FNDC1: variants seen among roughly 807,000 people sequenced by gnomAD.
FNDC1 encodes fibronectin type III domain containing 1, also known as fibronectin type III domain-containing protein 1.
A neutral mutation model predicts 168.0 loss-of-function variants in FNDC1; 96 were observed. That is an observed-to-expected ratio of 0.57 (90% CI 0.48 to 0.68). The LOEUF is 0.68. Among genes scored for constraint, FNDC1 ranks in the 30% least tolerant of loss-of-function variants. The pLI is 0.00. For missense variants in FNDC1, 2,587 were observed against 2,482.1 expected (o/e 1.04, Z -0.90); for synonymous variants, 1,099 against 1,025.9 (o/e 1.07, Z -1.36).
intron 1 of FNDC1, among the ~76,000 whole-genome samples, chr6:159,171,134 C>T (rs113191281): frequency 5.1e-4 from 77 of 152,212 alleles, no homozygotes; most frequent in African/African-American, 1.8e-3. Flanking sequence ...TGGAATCCCA[C>T]CGCGATCTGC....
chr6:159,176,804 G>A (rs1781769779), intron 1 of FNDC1, among the ~76,000 whole-genome samples: 1 of 152,206 alleles, frequency 6.6e-6, no homozygotes, highest in Non-Finnish European at 1.5e-5. Flanking sequence ...GCTCTGGCCA[G>A]AAAGGGCCAT....
chr6:159,234,506 C>G, intron 11 of FNDC1, 27 bp downstream of exon 11: 1 of 1,608,312 alleles, frequency 6.2e-7, no homozygotes, highest in Non-Finnish European at 8.5e-7. Flanking sequence ...AACAGTCTTT[C>G]TTTAAGGTGT....
chr6:159,247,043 T>C (rs1177772927), intron 15 of FNDC1, 74 bp downstream of exon 15: 1 of 1,123,938 alleles, frequency 8.9e-7, no homozygotes, highest in Admixed American at 1.7e-5. Context: ...AACTATTGAG[T>C]GGATGATCTT....
In FNDC1 at chr6:159,246,300, G is replaced by A. The variant is rs1777121526; in HGVS notation, c.4622-601G>A. The stretch of plus-strand genomic sequence containing the variant: ...AGTGGGTGGGAACTCAGTAGGAAGT[G>A]GAGAAGCACAAGGAACTCTCATTGG... On this transcript the variant is annotated intron_variant, in intron 14 of 22. Coordinates refer to ENST00000297267, the MANE Select transcript of FNDC1 (RefSeq NM_032532.3). 2.0e-5 allele frequency among the ~76,000 whole-genome samples: 3 copies of A among 152,196 alleles called. No individual in the cohort carries two copies. In the South Asian group the frequency reaches 6.2e-4, roughly 32 times the overall value.
chr6:159,187,944 C>G (rs1351895276), intron 1 of FNDC1, among the ~76,000 whole-genome samples: 1 of 152,166 alleles, frequency 6.6e-6, no homozygotes, highest in African/African-American at 2.4e-5. Context: ...TACCTCCAAG[C>G]TATACTGCTA....
intron 1 of FNDC1, among the ~76,000 whole-genome samples, chr6:159,186,226 G>A (rs530515281): frequency 7.9e-5 from 12 of 152,162 alleles, no homozygotes; most frequent in African/African-American, 2.9e-4. Flanking sequence ...GGGGAAGGAG[G>A]GAGTAAAGTA....
At chr6:159,203,198 C>T in intron 4 of FNDC1, among the ~76,000 whole-genome samples, 1 of 152,192 alleles carries the variant, frequency 6.6e-6, no homozygotes, top group Non-Finnish European at 1.5e-5. Flanking sequence ...ATGTGAGATA[C>T]TGGGGTTAGG....
chr6:159,212,741 G>A (rs189348700), intron 4 of FNDC1, among the ~76,000 whole-genome samples: 1 of 152,312 alleles, frequency 6.6e-6, no homozygotes, highest in East Asian at 1.9e-4. Context: ...TATATGTAAT[G>A]CCTACTGGGC....
chr6:159,180,824 A>G (rs900394703), intron 1 of FNDC1, among the ~76,000 whole-genome samples: 4 of 152,168 alleles, frequency 2.6e-5, no homozygotes, highest in African/African-American at 4.8e-5. Context: ...ATTCCTTCTT[A>G]TGGCTGCATA....
intron 14 of FNDC1, among the ~76,000 whole-genome samples, chr6:159,244,660 G>A (rs3003173): frequency 1.3e-5 from 2 of 152,194 alleles, no homozygotes; most frequent in African/African-American, 4.8e-5. Context: ...ACTGTGGAAT[G>A]GTGATTTTAA....
In FNDC1 at chr6:159,239,787, C is replaced by T. The variant is rs1460965177; in HGVS notation, c.4451C>T (p.Thr1484Ile). The change falls in exon 14 of 23, where the codon ACC (threonine) becomes ATC (isoleucine). Residue 1484 changes from threonine (T) to isoleucine (I), a missense_variant. Transcript: ENST00000297267. ...RRTTTTRRTT[T>I]RRPTTTVRTT... ...ACGACCACCACCCGCCGCACGACCA[C>T]CAGGCGTCCAACAACCACAGTCCGA... is the stretch of plus-strand genomic sequence containing the variant. 2 of 1,544,394 alleles carry T rather than the reference C, an allele frequency of 1.3e-6. No homozygotes were observed. The highest frequency in any genetic ancestry group is 8.8e-7 in the Non-Finnish European group (1 of 1,142,470).
At chr6:159,223,667 T>C in intron 7 of FNDC1, 22 bp downstream of exon 7, 1 of 1,472,276 alleles carries the variant, frequency 6.8e-7, no homozygotes, top group Non-Finnish European at 9.5e-7. Context: ...TATTTATTTG[T>C]CTTTATATAT....
chr6:159,260,381 T>C (rs1174801797), intron 18 of FNDC1, among the ~76,000 whole-genome samples: 1 of 152,232 alleles, frequency 6.6e-6, no homozygotes, highest in Admixed American at 6.5e-5. Flanking sequence ...TCAGTCTCTC[T>C]CCAGATGAGC....
chr6:159,228,735 G>T (rs1783011330), intron 9 of FNDC1, among the ~76,000 whole-genome samples: 1 of 152,072 alleles, frequency 6.6e-6, no homozygotes, highest in Non-Finnish European at 1.5e-5. Flanking sequence ...GGAGTGCAGT[G>T]TGCAATCTCG....
chr6:159,258,037 C>T (rs1340743342), intron 18 of FNDC1, among the ~76,000 whole-genome samples: 1 of 152,000 alleles, frequency 6.6e-6, no homozygotes, highest in African/African-American at 2.4e-5. Flanking sequence ...ATCACAGCCT[C>T]CTGACTCGCC....
In FNDC1 at chr6:159,232,536, A is replaced by G. The variant is rs945331026; in HGVS notation, c.2024A>G (p.Gln675Arg). Reference protein sequence around the residue: ...QPRPALSPSRQSPSSVLRDRS... With the variant: ...QPRPALSPSRRSPSSVLRDRS... ...CGGCCAGCCCTGTCCCCCAGCCGCC[A>G]GTCCCCGTCCAGCGTTCTCCGCGAC... is the stretch of plus-strand genomic sequence containing the variant. The change falls in exon 11 of 23, where the codon CAG becomes CGG. Residue 675 changes from glutamine (Q) to arginine (R), a missense_variant. Physicochemically the swap from Gln to Arg is conservative, Grantham distance 43. Transcript: ENST00000297267. The surrounding 1 kb of genome is among the most constrained non-coding windows in gnomAD (Gnocchi z 4.9). 11 of 1,612,284 alleles carry G rather than the reference A, an allele frequency of 6.8e-6. No homozygotes were observed. Among genetic ancestry groups the G allele is most frequent in the Non-Finnish European group, 9.3e-6 (11 of 1,179,320 alleles).
At chr6:159,254,289 C>T (rs1334872881) in intron 17 of FNDC1, among the ~76,000 whole-genome samples, 2 of 152,160 alleles carry the variant, frequency 1.3e-5, no homozygotes, top group East Asian at 3.9e-4. Context: ...GTCCTGGGGC[C>T]TCTTTTCCTC....
chr6:159,200,069 T>C lies in FNDC1; in HGVS notation c.378T>C (p.Ala126=). ...HSGVSRPVYR[A]ESPPGGEWIE... The stretch of plus-strand genomic sequence containing the variant: ...GAGTGAGCCGTCCTGTTTACAGAGC[T>C]GAAAGCCCACCTGGTAAGTCCTATC... The change falls in exon 3 of 23, where the codon GCT becomes GCC. Residue 126 remains alanine, a synonymous_variant. Transcript: ENST00000297267. The C allele has an allele frequency of 1.3e-6, 2 of 1,597,562 alleles. No individual in the cohort carries two copies.
rs1488604839 is a variant in FNDC1, at chr6:159,249,151, A to G, written c.4803A>G (p.Glu1601=). ...EGAISSFPEE[E]FDLAGRKRFV... ...CCATCAGTTCCTTTCCTGAAGAAGA[A>G]TTTGATCTGGCTGGAAGGAAACGAT... The change falls in exon 16 of 23, where the codon GAA becomes GAG. Residue 1601 remains glutamate, a synonymous_variant. Transcript: ENST00000297267. The G allele has an allele frequency of 5.0e-6, 8 of 1,611,496 alleles. No individual in the cohort carries two copies. In the Admixed American group the frequency reaches 1.3e-4, roughly 27 times the overall value.
Sources: allele counts gnomAD v4.1 joint callset (sites outside exome capture counted in the v4.1 genomes callset), GRCh38; gene constraint gnomAD v4.1.1; non-coding constraint Gnocchi (gnomAD v3.1); transcripts MANE v1.5; gene names NCBI Gene and HGNC (gene_info 2026-07-23, HGNC 2026-07-21).